Variants in GCSAML observed in about 807,000 individuals in gnomAD.
GCSAML encodes germinal center-associated signaling and motility-like protein.
Under a neutral mutation model 13.0 loss-of-function variants are expected in GCSAML, and 9 were observed. That is an observed-to-expected ratio of 0.69 (90% CI 0.42 to 1.21). The LOEUF (loss-of-function observed/expected upper bound fraction) is 1.21. Among genes scored for constraint, GCSAML ranks in the 50% most tolerant of loss-of-function variants. GCSAML has a pLI of 0.00. For synonymous variants in GCSAML, 37 were observed against 52.9 expected (o/e 0.70, Z 1.31); for missense variants, 143 against 153.4 (o/e 0.93, Z 0.36).
intron 1 of GCSAML, among the ~76,000 whole-genome samples, chr1:247,513,259 T>C (rs1029320633): frequency 1.3e-5 from 2 of 152,190 alleles, no homozygotes; most frequent in African/African-American, 4.8e-5. Flanking sequence ...TTTGCTGAGC[T>C]GTGGTGGACT....
At chr1:247,518,323 A>G (rs1666288847) in intron 1 of GCSAML, 1 of 152,384 alleles carries the variant, frequency 6.6e-6, no homozygotes. Context: ...GCAGGGTGGA[A>G]CGCCTGGCTT....
intron 1 of GCSAML, among the ~76,000 whole-genome samples, chr1:247,522,742 C>T (rs974738126): frequency 2.6e-5 from 4 of 152,040 alleles, no homozygotes; most frequent in African/African-American, 9.7e-5. Context: ...ATCACCACTC[C>T]CTAATCTCAA....
intron 2 of GCSAML, among the ~76,000 whole-genome samples, chr1:247,560,023 A>G (rs1250740571): frequency 6.6e-6 from 1 of 152,218 alleles, no homozygotes; most frequent in Non-Finnish European, 1.5e-5. Flanking sequence ...ATGTCAAGAA[A>G]ATCTAAGAGG....
chr1:247,535,174 G>C (rs1667167836), intron 2 of GCSAML, among the ~76,000 whole-genome samples: 1 of 152,160 alleles, frequency 6.6e-6, no homozygotes, highest in Admixed American at 6.5e-5. Flanking sequence ...AAATGACTGA[G>C]TGTGGCTGTG....
chr1:247,567,869 C>G (rs1490124776), intron 4 of GCSAML, among the ~76,000 whole-genome samples: 1 of 152,308 alleles, frequency 6.6e-6, no homozygotes, highest in Non-Finnish European at 1.5e-5. Flanking sequence ...GATCACCATT[C>G]TAACTGGCAT....
chr1:247,538,936 C>T (rs1667317405), intron 2 of GCSAML: 1 of 315,052 alleles, frequency 3.2e-6, no homozygotes, highest in African/African-American at 2.2e-5. Flanking sequence ...CTGACCTCCT[C>T]CAGCTGCAGT....
At chr1:247,558,422 A>G (rs555507883) in intron 2 of GCSAML, among the ~76,000 whole-genome samples, 1 of 152,204 alleles carries the variant, frequency 6.6e-6, no homozygotes, top group African/African-American at 2.4e-5. Flanking sequence ...GGTATAGTAC[A>G]GTAAAATTCA....
intron 4 of GCSAML, among the ~76,000 whole-genome samples, chr1:247,570,930 T>G (rs1185904797): frequency 6.6e-6 from 1 of 152,174 alleles, no homozygotes; most frequent in Non-Finnish European, 1.5e-5. Flanking sequence ...AGTTAGCTCT[T>G]CTTGTTGCAT....
At chr1:247,537,538 A>G (rs1194150718) in intron 2 of GCSAML, among the ~76,000 whole-genome samples, 1 of 152,244 alleles carries the variant, frequency 6.6e-6, no homozygotes, top group African/African-American at 2.4e-5. Context: ...TGGAAATTCT[A>G]TGAACAACTT....
intron 2 of GCSAML, among the ~76,000 whole-genome samples, chr1:247,537,692 C>T (rs998376871): frequency 4.0e-5 from 6 of 151,780 alleles, no homozygotes; most frequent in African/African-American, 7.3e-5. Context: ...TTATGGCCAT[C>T]GTAGTGGATA....
chr1:247,538,525 T>C (rs1373284385), intron 2 of GCSAML: 1 of 310,236 alleles, frequency 3.2e-6, no homozygotes, highest in East Asian at 9.0e-5. Context: ...TATTTGGAGA[T>C]AAGGCCCTTA....
At chr1:247,566,459 C>G (rs1387069591) in intron 4 of GCSAML, among the ~76,000 whole-genome samples, 3 of 152,120 alleles carry the variant, frequency 2.0e-5, no homozygotes, top group Non-Finnish European at 2.9e-5. Flanking sequence ...CCAGGCTAGT[C>G]TCGAACTCCT....
chr1:247,562,151 G>A (rs781067378), intron 2 of GCSAML, among the ~76,000 whole-genome samples: 2 of 152,150 alleles, frequency 1.3e-5, no homozygotes, highest in African/African-American at 4.8e-5. Context: ...GGTGCCTTAC[G>A]GGTCATAGGT....
chr1:247,554,862 TAAG>T (rs1667898995), intron 1 of GCSAML, among the ~76,000 whole-genome samples: 1 of 152,078 alleles, frequency 6.6e-6, no homozygotes, highest in Non-Finnish European at 1.5e-5. Flanking sequence ...AGTTTAAAAA[TAAG>T]AAGAAAAAAC....
At chr1:247,568,643 G>T (rs1054600393) in intron 4 of GCSAML, among the ~76,000 whole-genome samples, 3 of 152,128 alleles carry the variant, frequency 2.0e-5, no homozygotes, top group African/African-American at 7.2e-5. Context: ...GCTTAGGATT[G>T]TCTTGGCTAT....
intron 1 of GCSAML, among the ~76,000 whole-genome samples, chr1:247,517,870 G>A (rs1409821339): frequency 6.6e-6 from 1 of 152,138 alleles, no homozygotes; most frequent in Non-Finnish European, 1.5e-5. Context: ...GGCGATGGAG[G>A]GTCAATGAGA....
At chr1:247,557,913 G>T (rs971541883) in intron 2 of GCSAML, among the ~76,000 whole-genome samples, 1 of 152,108 alleles carries the variant, frequency 6.6e-6, no homozygotes, top group Non-Finnish European at 1.5e-5. Context: ...TTTAACTTAC[G>T]CATAAACTAG....
In GCSAML at chr1:247,568,351, A is replaced by G. The variant is rs534713219; in HGVS notation, c.168+2392A>G. On this transcript the variant is annotated intron_variant, in intron 4 of 4. Transcript: ENST00000366488. Reference sequence around the variant, plus strand: ...TAATCCAACTTGAGTTAATTTTTGTATAAGGTGTAAGGAAGGGGTCCAGTT... The same window carrying G: ...TAATCCAACTTGAGTTAATTTTTGTGTAAGGTGTAAGGAAGGGGTCCAGTT... 5.0e-4 allele frequency among the ~76,000 whole-genome samples: 76 copies of G among 152,296 alleles called. 2 individuals are homozygous for G. In the South Asian group the frequency reaches 0.014, roughly 28 times the overall value.
chr1:247,541,868 G>C (rs895175820), intron 2 of GCSAML, among the ~76,000 whole-genome samples: 1 of 151,928 alleles, frequency 6.6e-6, no homozygotes, highest in African/African-American at 2.4e-5. Context: ...AAATTAGCCA[G>C]GCATGGTGGT....
Sources: gnomAD v4.1 joint callset for allele counts (sites outside exome capture counted in the v4.1 genomes callset) on GRCh38, gnomAD v4.1.1 for gene constraint, MANE v1.5 for transcripts, NCBI Gene and HGNC (gene_info 2026-07-23, HGNC 2026-07-21) for gene names.